MCM10: variants seen among roughly 807,000 people sequenced by gnomAD.
MCM10 encodes minichromosome maintenance 10 replication initiation factor, also known as protein MCM10 homolog.
A neutral mutation model predicts 109.9 loss-of-function variants in MCM10; 91 were observed. That is an observed-to-expected ratio of 0.83 (90% confidence interval 0.70 to 0.99). MCM10 has a LOEUF of 0.99. Among genes scored for constraint, MCM10 ranks in the 50% least tolerant of loss-of-function variants. The pLI is 0.00. For synonymous variants in MCM10, 380 were observed against 387.2 expected, an observed-to-expected ratio of 0.98 and a Z score of 0.22; for missense variants, 1,077 against 1,061.2, an observed-to-expected ratio of 1.01 and a Z score of -0.21.
At chr10:13,181,240 CTGACTT>C (rs1834205602) in intron 7 of MCM10, among the ~76,000 whole-genome samples, 1 of 152,264 alleles carries the variant, frequency 6.6e-6, no homozygotes, top group Admixed American at 6.5e-5. Flanking sequence ...AATGAAGGAA[CTGACTT>C]TGATTAGATT....
intron 2 of MCM10, among the ~76,000 whole-genome samples, chr10:13,169,800 G>C (rs1485866460): frequency 6.6e-6 from 1 of 152,212 alleles, no homozygotes. Context: ...CCACCTCCCA[G>C]GTTCCATCAA....
chr10:13,194,758 A>G (rs1834393216), intron 13 of MCM10, among the ~76,000 whole-genome samples: 1 of 152,170 alleles, frequency 6.6e-6, no homozygotes. Flanking sequence ...TTCCTTGTGG[A>G]TGACATCCAC....
chr10:13,174,905 G>C (rs563996935), intron 5 of MCM10, among the ~76,000 whole-genome samples: 29 of 152,084 alleles, frequency 1.9e-4, no homozygotes, highest in Non-Finnish European at 3.7e-4. Flanking sequence ...GAGGCAGGCG[G>C]ATCACCTGAG....
At chr10:13,174,693 T>C (rs1181482128) in intron 5 of MCM10, among the ~76,000 whole-genome samples, 1 of 152,238 alleles carries the variant, frequency 6.6e-6, no homozygotes, top group African/African-American at 2.4e-5. Context: ...ATGTGTCTGG[T>C]AGCTAGCACC....
Position 13,192,288 on chromosome 10 carries a change from A to C in MCM10, c.1550A>C (p.Glu517Ala). ...CAGAAGAGCCTGTCTTGCTCTGAGGAGTTCAAGGAACTGATGGACCTGCCG... is the reference window on the plus strand; with the variant it reads ...CAGAAGAGCCTGTCTTGCTCTGAGGCGTTCAAGGAACTGATGGACCTGCCG... The part of the protein sequence containing the change: ...IPQKSLSCSE[E>A]FKELMDLPTC... The change falls in exon 12 of 20, where the codon GAG becomes GCG. Residue 517 changes from glutamate (E) to alanine (A), a missense_variant. Transcript: ENST00000378714. 1 of 1,614,154 alleles carries C rather than the reference A, an allele frequency of 6.2e-7. No individual in the cohort carries two copies. The highest frequency in any genetic ancestry group is 8.5e-7 in the Non-Finnish European group (1 of 1,180,004).
chr10:13,189,066 G>A lies in MCM10; in HGVS notation c.1401G>A (p.Ser467=), dbSNP rs372910297. 15 of 1,614,176 alleles carry A rather than the reference G, an allele frequency of 9.3e-6. No homozygotes were observed. Among genetic ancestry groups the A allele is most frequent in the Middle Eastern group, 1.6e-4 (1 of 6,062 alleles). Residue 467 remains serine (S), a synonymous_variant, in exon 10 of 20, where the codon TCG becomes TCA. Transcript: ENST00000378714. ...ACTACGGAGGGGTTTCTTCTGCCTC[G>A]TATGCAGCTTCAATGTAAGACGTTC... ...GFYYGGVSSA[S]YAASIAAAVA...
At chr10:13,185,927 A>G (rs1017039202) in intron 8 of MCM10, among the ~76,000 whole-genome samples, 1 of 152,060 alleles carries the variant, frequency 6.6e-6, no homozygotes, top group African/African-American at 2.4e-5. Context: ...TGCCTGGCTA[A>G]TTTTTGTGGT....
At chr10:13,204,765 A>G (rs1398683763) in intron 18 of MCM10, among the ~76,000 whole-genome samples, 2 of 152,036 alleles carry the variant, frequency 1.3e-5, no homozygotes, top group Non-Finnish European at 2.9e-5. Flanking sequence ...TCAGTATCCA[A>G]GGGGCATTGG....
chr10:13,202,552 G>A (rs547321556), intron 17 of MCM10, among the ~76,000 whole-genome samples: 6 of 152,210 alleles, frequency 3.9e-5, no homozygotes, highest in Admixed American at 2.0e-4. Context: ...ATGCATTTGG[G>A]GGTCAGCTCC....
chr10:13,188,530 C>T (rs1224505845), intron 9 of MCM10, among the ~76,000 whole-genome samples: 1 of 152,012 alleles, frequency 6.6e-6, no homozygotes, highest in Non-Finnish European at 1.5e-5. Flanking sequence ...TCTATAAAAA[C>T]TTCCTTTTAT....
intron 2 of MCM10, among the ~76,000 whole-genome samples, chr10:13,169,557 G>A (rs1354067570): frequency 3.9e-5 from 6 of 152,128 alleles, no homozygotes; most frequent in South Asian, 2.1e-4. Flanking sequence ...GCGAGAAGAC[G>A]GATACACGAT....
In MCM10 at chr10:13,164,123, C is replaced by A. The variant is rs1044455322; in HGVS notation, c.-75-5C>A. On this transcript the variant is annotated splice_region_variant and splice_polypyrimidine_tract_variant and intron_variant, in intron 1 of 19. Transcript: ENST00000378714. ...AGTGACATTTCTAATATTGCTTTCA[C>A]ACAGCCAAGATTCTACATTGCTCAT... 7.8e-7 allele frequency: 1 copy of A among 1,282,924 alleles called. No homozygotes were observed. Among genetic ancestry groups the A allele is most frequent in the Non-Finnish European group, 1.1e-6 (1 of 931,248 alleles). 79.5% of individuals were successfully genotyped at this position (1,282,924 alleles called of 1,614,324 possible).
rs1588480589 is a variant in MCM10 at position 13,204,259 on chromosome 10, G to C, written c.2393G>C (p.Ser798Thr). 6.2e-7 allele frequency: 1 copy of C among 1,614,230 alleles called. No homozygotes were observed. The change falls in exon 18 of 20, where the codon AGT becomes ACT. Residue 798 changes from serine to threonine, a missense_variant. Transcript: ENST00000378714. ...TTCAAGCTGCTGGAGACCTGCGTCAGTGAGCAGCATGAATACCACTGGCAT... is the reference window on the plus strand; with the variant it reads ...TTCAAGCTGCTGGAGACCTGCGTCACTGAGCAGCATGAATACCACTGGCAT... ...THFKLLETCV[S>T]EQHEYHWHDG...
chr10:13,198,682 G>A lies in MCM10; in HGVS notation c.2120-7G>A. Reference sequence around the variant, plus strand: ...GTCGCTGCTAATGTTTGTTCCTTGTGCCCTAGCTGAGGATGAATTGGAGCC... The same window carrying A: ...GTCGCTGCTAATGTTTGTTCCTTGTACCCTAGCTGAGGATGAATTGGAGCC... On this transcript the variant is annotated splice_polypyrimidine_tract_variant and splice_region_variant and intron_variant, in intron 15 of 19. Coordinates refer to ENST00000378714, the MANE Select transcript of MCM10 (RefSeq NM_018518.5). 6.3e-7 allele frequency: 1 copy of A among 1,582,718 alleles called. No individual in the cohort carries two copies. The highest frequency in any genetic ancestry group is 8.7e-7 in the Non-Finnish European group (1 of 1,151,764).
At position 13,195,261 on chromosome 10, in the gene MCM10, G is replaced by A. The variant is rs774554665; in HGVS notation, c.1966G>A (p.Ala656Thr). Residue 656 changes from alanine (A) to threonine (T), a missense_variant, in exon 14 of 20, where the codon GCC (alanine) becomes ACC (threonine). By Grantham distance (58) the Ala-to-Thr change is moderately conservative (BLOSUM62 0). Coordinates refer to ENST00000378714, the MANE Select transcript of MCM10 (RefSeq NM_018518.5). ...PRPKLSALAE[A>T]KKLAAITKLR... ...ACCAAAACTGAGTGCTTTAGCAGAA[G>A]CCAAAAAGGTAACTGGCATCTCTTC... 5.0e-6 allele frequency: 8 copies of A among 1,596,254 alleles called. No individual in the cohort carries two copies. The highest frequency in any genetic ancestry group is 6.8e-6 in the Non-Finnish European group (8 of 1,170,130).
Position 13,189,030 on chromosome 10 carries a change from A to C in MCM10, c.1365A>C (p.Gln455His). The change falls in exon 10 of 20, where the codon CAA becomes CAC. Residue 455 changes from glutamine (Q) to histidine (H), a missense_variant. By Grantham distance (24) the Gln-to-His change is conservative (BLOSUM62 0). Coordinates refer to ENST00000378714, the MANE Select transcript of MCM10 (RefSeq NM_018518.5). ...RGTSLKERLC[Q>H]DGFYYGGVSS... ...CCAGCCTCAAAGAACGGCTGTGCCA[A>C]GATGGCTTTTACTACGGAGGGGTTT... The C allele has an allele frequency of 6.2e-7, 1 of 1,614,262 alleles. No homozygotes were observed. Among genetic ancestry groups the C allele is most frequent in the Non-Finnish European group, 8.5e-7 (1 of 1,180,046 alleles).
chr10:13,201,801 C>G, intron 17 of MCM10: 1 of 394,876 alleles, frequency 2.5e-6, no homozygotes, highest in South Asian at 3.5e-5. Flanking sequence ...ATCTCTTGCC[C>G]TGGACCACTG....
intron 13 of MCM10, among the ~76,000 whole-genome samples, chr10:13,194,453 C>T (rs548150124): frequency 2.1e-4 from 32 of 152,002 alleles, no homozygotes; most frequent in African/African-American, 6.3e-4. Flanking sequence ...GGCTGAGGCA[C>T]GAGAATCACT....
At chr10:13,178,220 C>T (rs967902104) in intron 6 of MCM10, among the ~76,000 whole-genome samples, 15 of 152,158 alleles carry the variant, frequency 9.9e-5, no homozygotes, top group African/African-American at 2.7e-4. Flanking sequence ...CTCAGCCTCC[C>T]GAGTAGCTCA....
Sources: gnomAD v4.1 joint callset for allele counts (sites outside exome capture counted in the v4.1 genomes callset) on GRCh38, gnomAD v4.1.1 for gene constraint, MANE v1.5 for transcripts, NCBI Gene and HGNC (gene_info 2026-07-23, HGNC 2026-07-21) for gene names.